Variants in CHRDL1 observed in about 807,000 individuals in gnomAD.
CHRDL1 encodes chordin-like protein 1.
In CHRDL1, 19 loss-of-function variants were observed where a neutral mutation model predicts 40.9. That is an observed-to-expected ratio of 0.46 (90% confidence interval 0.32 to 0.68). The LOEUF is 0.68. Ranked by LOEUF, CHRDL1 falls within the 30% of genes least tolerant of loss-of-function variation. The probability of loss-of-function intolerance (pLI) is 0.03; values close to 1 mark genes in which losing one functional copy is unlikely to be tolerated. For synonymous variants in CHRDL1, 136 were observed against 123.4 expected, an observed-to-expected ratio of 1.10 and a Z score of -0.68; for missense variants, 329 against 352.1, an observed-to-expected ratio of 0.93 and a Z score of 0.53.
In CHRDL1 at chrX:110,689,490, C is replaced by CTA. The variant is rs1183907502; in HGVS notation, c.779-688_779-687insTA. 2.6e-4 allele frequency among the ~76,000 whole-genome samples: 9 copies of CTA among 35,230 alleles called. 2 individuals carry two copies. The highest frequency in any genetic ancestry group is 2.5e-3 in the Admixed American group (9 of 3,655). The allele number at this position is 35,230 out of a possible 115,157, so 30.6% of individuals were successfully genotyped here. A position where few individuals can be genotyped will look rare whatever the true frequency, so the allele number is the denominator to read the frequency against. ...TATCTATATATCTATATATCTATATCTCTATATATCTATATATCTATATCT... is the reference window on the plus strand; with the variant it reads ...TATCTATATATCTATATATCTATATCTATCTATATATCTATATATCTATATCT... On this transcript the variant is annotated intron_variant, in intron 8 of 11. Coordinates refer to ENST00000372042, the MANE Select transcript of CHRDL1 (RefSeq NM_001143981.2).
chrX:110,713,910 C>A (rs2070790019), intron 6 of CHRDL1, among the ~76,000 whole-genome samples: 1 of 111,311 alleles, frequency 9.0e-6, no homozygotes, highest in African/African-American at 3.3e-5. Context: ...AGTACATAGC[C>A]TTCCCTGTTG....
intron 2 of CHRDL1, among the ~76,000 whole-genome samples, chrX:110,769,268 T>C (rs1345893280): frequency 8.9e-6 from 1 of 112,203 alleles, no homozygotes; most frequent in Non-Finnish European, 1.9e-5. Context: ...TTCATCATAC[T>C]AGCTCAAAAT....
chrX:110,689,859 A>C lies in CHRDL1; in HGVS notation c.779-1056T>G, dbSNP rs866297635. On this transcript the variant is annotated intron_variant, in intron 8 of 11. Transcript: ENST00000372042. ...TATATATATCTATATATCTATATATATCTATATATCTATATATATCTATAT... is the reference window on the plus strand; with the variant it reads ...TATATATATCTATATATCTATATATCTCTATATATCTATATATATCTATAT... 1.3e-4 allele frequency among the ~76,000 whole-genome samples: 4 copies of C among 29,749 alleles called. No homozygotes were observed. The East Asian group carries it at 1.4e-3, about 10-fold the overall frequency. The allele number at this position is 29,749 out of a possible 115,157, so 25.8% of individuals were successfully genotyped here.
Position 110,676,007 on chromosome X carries a change from C to A in CHRDL1, c.*224G>T. The A allele has an allele frequency of 3.4e-6, 1 of 291,145 alleles. No homozygotes were observed. The highest frequency in any genetic ancestry group is 6.0e-6 in the Non-Finnish European group (1 of 166,562). 24.0% of individuals were successfully genotyped at this position (291,145 alleles called of 1,213,427 possible). On this transcript the variant is annotated 3_prime_UTR_variant, in exon 12 of 12. Coordinates refer to ENST00000372042, the MANE Select transcript of CHRDL1 (RefSeq NM_001143981.2). ...GTGTTGTGATGTTCTATCCCTCCTC[C>A]TCCCACATATAATTTAAGACTCTTC... is the stretch of plus-strand genomic sequence containing the variant.
intron 4 of CHRDL1, among the ~76,000 whole-genome samples, chrX:110,721,883 A>G (rs1008199601): frequency 1.8e-5 from 2 of 112,548 alleles, no homozygotes; most frequent in Admixed American, 1.9e-4. Flanking sequence ...TTCCTAGATG[A>G]ATAAGATATT....
intron 4 of CHRDL1, among the ~76,000 whole-genome samples, chrX:110,746,534 A>G (rs756793544): frequency 9.0e-6 from 1 of 110,655 alleles, no homozygotes; most frequent in East Asian, 2.8e-4. Context: ...TCACACAGGC[A>G]CCTCTGAAAA....
chrX:110,758,642 A>G (rs942260507), intron 4 of CHRDL1, among the ~76,000 whole-genome samples: 2 of 111,343 alleles, frequency 1.8e-5, no homozygotes, highest in Admixed American at 1.9e-4. Flanking sequence ...TTTCTCTCTT[A>G]TAAGTTCTGG....
intron 11 of CHRDL1, among the ~76,000 whole-genome samples, chrX:110,677,110 T>C (rs778904497): frequency 1.8e-5 from 2 of 111,162 alleles, no homozygotes; most frequent in African/African-American, 3.3e-5. Context: ...GGAGAACTCC[T>C]AGTCCAAGTT....
Position 110,694,202 on chromosome X carries a change from C to A in CHRDL1, c.739G>T (p.Val247Leu). 4 of 1,210,604 alleles carry A rather than the reference C, an allele frequency of 3.3e-6. No individual in the cohort carries two copies. The highest frequency in any genetic ancestry group is 4.5e-6 in the Non-Finnish European group (4 of 894,505). Reference sequence around the variant, plus strand: ...TGTTTGTTATTGATGACAATTTGCACAATGGTTCCTGATGCTTGCTGGGAA... The same window carrying A: ...TGTTTGTTATTGATGACAATTTGCAAAATGGTTCCTGATGCTTGCTGGGAA... ...MDSQQASGTI[V>L]QIVINNKHKH... Residue 247 changes from valine (V) to leucine (L), a missense_variant, in exon 8 of 12, where the codon GTG becomes TTG. Transcript: ENST00000372042.
At chrX:110,728,811 A>G (rs2071103715) in intron 4 of CHRDL1, among the ~76,000 whole-genome samples, 1 of 111,950 alleles carries the variant, frequency 8.9e-6, no homozygotes, top group Non-Finnish European at 1.9e-5. Flanking sequence ...GCATACATCC[A>G]GGATGCAACA....
intron 3 of CHRDL1, among the ~76,000 whole-genome samples, chrX:110,762,481 T>G (rs2089582138): frequency 8.9e-6 from 1 of 111,750 alleles, no homozygotes; most frequent in Non-Finnish European, 1.9e-5. Context: ...TTTGCCATGT[T>G]ACCCATGCTG....
At chrX:110,762,852 C>T (rs1203346775) in intron 2 of CHRDL1, 45 bp from the exon 3 acceptor site, 1 of 725,223 alleles carries the variant, frequency 1.4e-6, no homozygotes, top group African/African-American at 2.1e-5. Context: ...GAAACATCAA[C>T]CAAGTCACAA....
At chrX:110,741,309 G>T (rs927964725) in intron 4 of CHRDL1, among the ~76,000 whole-genome samples, 3 of 111,819 alleles carry the variant, frequency 2.7e-5, no homozygotes, top group Non-Finnish European at 5.6e-5. Flanking sequence ...ATGGGTATAG[G>T]ATCTGAACAA....
intron 4 of CHRDL1, among the ~76,000 whole-genome samples, chrX:110,724,207 A>C (rs1039631750): frequency 5.3e-5 from 6 of 112,635 alleles, no homozygotes; most frequent in African/African-American, 1.9e-4. Flanking sequence ...AACAACAAAA[A>C]AGAAGTTTGG....
chrX:110,768,186 T>G (rs1329914539), intron 2 of CHRDL1, among the ~76,000 whole-genome samples: 1 of 112,418 alleles, frequency 8.9e-6, no homozygotes, highest in Admixed American at 9.4e-5. Context: ...GTGTTAGGTC[T>G]CTATGATTGG....
chrX:110,715,915 T>C (rs1373573149), intron 6 of CHRDL1, among the ~76,000 whole-genome samples: 2 of 112,436 alleles, frequency 1.8e-5, no homozygotes, highest in Non-Finnish European at 3.8e-5. Context: ...CTTTCTTGAC[T>C]GAAATGTAAC....
At chrX:110,761,134 T>C (rs1022530333) in intron 3 of CHRDL1, among the ~76,000 whole-genome samples, 2 of 111,699 alleles carry the variant, frequency 1.8e-5, no homozygotes, top group African/African-American at 6.5e-5. Context: ...TTAATCCTTA[T>C]CAGAACCATA....
intron 2 of CHRDL1, among the ~76,000 whole-genome samples, chrX:110,772,359 C>T (rs1050590643): frequency 3.5e-5 from 4 of 112,807 alleles, no homozygotes; most frequent in African/African-American, 1.3e-4. Context: ...CACTTTTTGG[C>T]CGGGTGTGGT....
At chrX:110,706,380 T>C (rs1400064053) in intron 6 of CHRDL1, among the ~76,000 whole-genome samples, 2 of 112,278 alleles carry the variant, frequency 1.8e-5, no homozygotes, top group Admixed American at 9.5e-5. Flanking sequence ...GTACTGTATG[T>C]CAAACAATAT....
Sources: allele counts gnomAD v4.1 joint callset (sites outside exome capture counted in the v4.1 genomes callset), GRCh38; gene constraint gnomAD v4.1.1; transcripts MANE v1.5; gene names NCBI Gene and HGNC (gene_info 2026-07-23, HGNC 2026-07-21).